LYZL2: variants seen among roughly 807,000 people sequenced by gnomAD.
The protein encoded by LYZL2 is lysozyme-like protein 2.
Under a neutral mutation model 17.1 loss-of-function variants are expected in LYZL2, and 13 were observed. The observed-to-expected ratio is 0.76, with a 90% CI of 0.49 to 1.21. The LOEUF is 1.21. LYZL2 is among the 50% of genes most tolerant of loss of function. The pLI, the probability that LYZL2 is intolerant of heterozygous loss-of-function variation, is 0.00. For missense variants in LYZL2, 166 were observed against 189.2 expected, an observed-to-expected ratio of 0.88 and a Z score of 0.72; for synonymous variants, 63 against 74.4, an observed-to-expected ratio of 0.85 and a Z score of 0.79.
intron 3 of LYZL2, among the ~76,000 whole-genome samples, chr10:30,615,434 T>G (rs1210729430): frequency 3.3e-5 from 5 of 152,198 alleles, no homozygotes; most frequent in Admixed American, 6.5e-5. Context: ...GAGGAAGGTC[T>G]GGGGGTCTAA....
intron 3 of LYZL2, among the ~76,000 whole-genome samples, chr10:30,624,456 T>C (rs1412412581): frequency 6.6e-6 from 1 of 152,202 alleles, no homozygotes; most frequent in African/African-American, 2.4e-5. Context: ...TCTCTTTCCA[T>C]TCCTCTTTGG....
chr10:30,617,371 G>C (rs1040705450), intron 3 of LYZL2, among the ~76,000 whole-genome samples: 4 of 152,132 alleles, frequency 2.6e-5, no homozygotes, highest in African/African-American at 9.7e-5. Context: ...GGACACAACT[G>C]AATTTCCTTA....
At chr10:30,613,937 TG>T (rs1320695566) in intron 3 of LYZL2, among the ~76,000 whole-genome samples, 1 of 152,214 alleles carries the variant, frequency 6.6e-6, no homozygotes, top group Non-Finnish European at 1.5e-5. Context: ...CTGGAACTCC[TG>T]GGCTCAAGCA....
downstream of LYZL2, among the ~76,000 whole-genome samples, chr10:30,611,365 G>A (rs1395255752): frequency 1.3e-5 from 2 of 151,630 alleles, no homozygotes; most frequent in Non-Finnish European, 2.9e-5. Flanking sequence ...TGGGTGTGGT[G>A]GCACATGCCT....
At chr10:30,626,286 C>T (rs573333785) in intron 2 of LYZL2, 23 bp from the exon 3 acceptor site, 41 of 1,611,554 alleles carry the variant, frequency 2.5e-5, no homozygotes, top group Middle Eastern at 1.7e-4. Context: ...AAGCCAGAAA[C>T]GCCAGCAAAG....
chr10:30,623,210 T>C (rs1838652121), intron 3 of LYZL2, among the ~76,000 whole-genome samples: 1 of 152,214 alleles, frequency 6.6e-6, no homozygotes. Flanking sequence ...TTTCAATATG[T>C]ATTTCTCACC....
chr10:30,612,118 A>G, intron 4 of LYZL2, 94 bp from the exon 5 acceptor site: 2 of 1,462,856 alleles, frequency 1.4e-6, no homozygotes, highest in Non-Finnish European at 1.9e-6. Context: ...CAAAATCGCC[A>G]GCGGAACCCT....
At chr10:30,616,951 A>G (rs1480269987) in intron 3 of LYZL2, among the ~76,000 whole-genome samples, 5 of 151,582 alleles carry the variant, frequency 3.3e-5, no homozygotes, top group Non-Finnish European at 7.4e-5. Context: ...GATTATCCAA[A>G]CTTAAGCATT....
chr10:30,608,259 C>A (rs1456583297), downstream of LYZL2, among the ~76,000 whole-genome samples: 1 of 152,108 alleles, frequency 6.6e-6, no homozygotes, highest in African/African-American at 2.4e-5. Flanking sequence ...CCTTTTAAAT[C>A]AAAAAATGTA....
chr10:30,607,641 G>A (rs572540203), downstream of LYZL2, among the ~76,000 whole-genome samples: 5 of 152,238 alleles, frequency 3.3e-5, no homozygotes, highest in South Asian at 1.0e-3. Context: ...CCTGTTCAAG[G>A]CAGAGTGCTG....
chr10:30,625,878 G>T (rs1838693300), intron 3 of LYZL2, among the ~76,000 whole-genome samples: 1 of 152,202 alleles, frequency 6.6e-6, no homozygotes, highest in Admixed American at 6.5e-5. Flanking sequence ...TGCTTTAGGG[G>T]AGGGCTTCAT....
At chr10:30,611,445 G>A (rs1483254967), downstream of LYZL2, among the ~76,000 whole-genome samples, 1 of 148,764 alleles carries the variant, frequency 6.7e-6, no homozygotes, top group Non-Finnish European at 1.5e-5. Context: ...GTTGCAGTGG[G>A]CTGAAATCGT....
intron 3 of LYZL2, among the ~76,000 whole-genome samples, chr10:30,615,925 G>A (rs1838521896): frequency 6.6e-6 from 1 of 151,914 alleles, no homozygotes; most frequent in African/African-American, 2.4e-5. Context: ...AGTATTTTAA[G>A]AAAGATTGGC....
At position 30,616,715 on chromosome 10, in the gene LYZL2, C is replaced by T. The variant is rs903386206; in HGVS notation, c.299-3815G>A. ...ATTTCTATGGGTACCATTTTATCCC[C>T]ATAAACCAAGTTCACACACTCAGTT... On this transcript the variant is annotated intron_variant, in intron 3 of 4. Transcript: ENST00000647634. 5.4e-4 allele frequency among the ~76,000 whole-genome samples: 82 copies of T among 152,194 alleles called. 1 individual carries two copies. Among genetic ancestry groups the T allele is most frequent in the Non-Finnish European group, 1.0e-3 (69 of 68,036 alleles).
At chr10:30,626,741 A>G (rs763518192) in intron 2 of LYZL2, 36 bp downstream of exon 2, 21 of 1,613,238 alleles carry the variant, frequency 1.3e-5, no homozygotes, top group Non-Finnish European at 3.4e-6. Context: ...GGGAAAGGTC[A>G]AGGACAGAAA....
In LYZL2 at chr10:30,617,844, G is replaced by A. The variant is rs555006103; in HGVS notation, c.299-4944C>T. On this transcript the variant is annotated intron_variant, in intron 3 of 4. Transcript: ENST00000647634. Reference sequence around the variant, plus strand: ...GGCCAGGGCAATCAGGCAGGAGAAGGAAATAAAGGGCATTCAATTAGGAAA... The same window carrying A: ...GGCCAGGGCAATCAGGCAGGAGAAGAAAATAAAGGGCATTCAATTAGGAAA... 2.0e-5 allele frequency among the ~76,000 whole-genome samples: 3 copies of A among 152,012 alleles called. No homozygotes were observed. In the East Asian group the frequency reaches 5.8e-4, roughly 29 times the overall value.
At chr10:30,622,688 C>T (rs2132946652) in intron 3 of LYZL2, among the ~76,000 whole-genome samples, 1 of 152,342 alleles carries the variant, frequency 6.6e-6, no homozygotes, top group South Asian at 2.1e-4. Context: ...TGGAACACAG[C>T]CAGGCCCATT....
chr10:30,621,561 G>A (rs1444666548), intron 3 of LYZL2, among the ~76,000 whole-genome samples: 3 of 152,108 alleles, frequency 2.0e-5, no homozygotes, highest in South Asian at 2.1e-4. Flanking sequence ...TCACAGTGTT[G>A]TTCTGAGACA....
intron 3 of LYZL2, among the ~76,000 whole-genome samples, chr10:30,622,245 A>G (rs1838633874): frequency 6.6e-6 from 1 of 152,182 alleles, no homozygotes; most frequent in South Asian, 2.1e-4. Context: ...AGCAAGATGT[A>G]ATTTAAAACT....
Sources: gnomAD v4.1 joint callset for allele counts (sites outside exome capture counted in the v4.1 genomes callset) on GRCh38, gnomAD v4.1.1 for gene constraint, MANE v1.5 for transcripts, NCBI Gene and HGNC (gene_info 2026-07-23, HGNC 2026-07-21) for gene names.